Variants in NCKAP5L observed in about 807,000 individuals in gnomAD.
NCKAP5L encodes NCK associated protein 5 like.
A neutral mutation model predicts 103.2 loss-of-function variants in NCKAP5L; 54 were observed. That is an observed-to-expected ratio of 0.52 (90% CI 0.42 to 0.66). NCKAP5L has a LOEUF of 0.66. Ranked by LOEUF, NCKAP5L falls within the 30% of genes least tolerant of loss-of-function variation. The pLI is 0.00. For synonymous variants in NCKAP5L, 762 were observed against 748.6 expected, an observed-to-expected ratio of 1.02 and a Z score of -0.29; for missense variants, 1,733 against 1,750.6, an observed-to-expected ratio of 0.99 and a Z score of 0.18.
chr12:49,820,455 T>G (rs1365481508), intron 1 of NCKAP5L, among the ~76,000 whole-genome samples: 2 of 152,054 alleles, frequency 1.3e-5, no homozygotes, highest in Non-Finnish European at 2.9e-5. Flanking sequence ...TAGCTGGGAC[T>G]ACAGGCGCGT....
intron 1 of NCKAP5L, among the ~76,000 whole-genome samples, chr12:49,819,860 G>A (rs1946341664): frequency 6.6e-6 from 1 of 152,208 alleles, no homozygotes; most frequent in Admixed American, 6.5e-5. Flanking sequence ...GGTAAAGACA[G>A]GTGGGGTTTA....
chr12:49,803,281 A>T, intron 3 of NCKAP5L, 116 bp from the exon 4 acceptor site: 1 of 931,912 alleles, frequency 1.1e-6, no homozygotes, highest in South Asian at 1.6e-5. Flanking sequence ...CTATACCCCC[A>T]CTCCAGCTCT....
chr12:49,796,565 C>A lies in NCKAP5L; in HGVS notation c.1295G>T (p.Ser432Ile). ...GHPHSSSQVK[S>I]KLQIGPPSPG... Reference sequence around the variant, plus strand: ...AGAAGGGGGGCCAATTTGGAGCTTGCTTTTCACCTGAGATGAGGAATGGGG... The same window carrying A: ...AGAAGGGGGGCCAATTTGGAGCTTGATTTTCACCTGAGATGAGGAATGGGG... The change falls in exon 8 of 13, where the codon AGC becomes ATC. Residue 432 changes from serine to isoleucine, a missense_variant. Coordinates refer to ENST00000335999, the MANE Select transcript of NCKAP5L (RefSeq NM_001037806.4). 1 of 1,601,206 alleles carries A rather than the reference C, an allele frequency of 6.2e-7. No homozygotes were observed. The highest frequency in any genetic ancestry group is 8.5e-7 in the Non-Finnish European group (1 of 1,174,484).
At chr12:49,800,059 G>A (rs1162834228) in intron 6 of NCKAP5L, among the ~76,000 whole-genome samples, 1 of 152,214 alleles carries the variant, frequency 6.6e-6, no homozygotes, top group African/African-American at 2.4e-5. Flanking sequence ...GCTGGACATG[G>A]TGGCGCATGC....
chr12:49,823,618 G>T (rs903970110), intron 1 of NCKAP5L, among the ~76,000 whole-genome samples: 2 of 151,312 alleles, frequency 1.3e-5, no homozygotes, highest in African/African-American at 4.9e-5. Flanking sequence ...GCAGAATGGG[G>T]TCTTCTCTCC....
At chr12:49,821,985 T>G (rs959080363) in intron 1 of NCKAP5L, among the ~76,000 whole-genome samples, 6 of 152,170 alleles carry the variant, frequency 3.9e-5, no homozygotes, top group Admixed American at 1.3e-4. Context: ...AATCCACATG[T>G]TGAAATCCTA....
At chr12:49,825,388 G>C (rs1946405364) in intron 1 of NCKAP5L, among the ~76,000 whole-genome samples, 1 of 152,178 alleles carries the variant, frequency 6.6e-6, no homozygotes, top group African/African-American at 2.4e-5. Context: ...GAGAAGCAGG[G>C]GCTAGAAAGG....
intron 2 of NCKAP5L, 57 bp from the exon 3 acceptor site, chr12:49,804,137 A>C (rs1946153956): frequency 6.5e-7 from 1 of 1,535,598 alleles, no homozygotes; most frequent in Non-Finnish European, 8.8e-7. Context: ...GAAACCCTTT[A>C]GTCTCCTTGG....
rs1333923684 is a variant in NCKAP5L, at chr12:49,797,010, G to T, written c.850C>A (p.Gln284Lys). 2 of 1,583,270 alleles carry T rather than the reference G, an allele frequency of 1.3e-6. No individual in the cohort carries two copies. Residue 284 changes from glutamine (Q) to lysine (K), a missense_variant, in exon 8 of 13, where the codon CAG (glutamine) becomes AAG (lysine). Gln to Lys is a moderately conservative substitution (Grantham distance 53). Transcript: ENST00000335999. This position sits in a 1 kb window ranked among gnomAD's most constrained non-coding sequence, Gnocchi z 4.5. ...CAGTTTGGGCCAGAGCTGGTGCCCT[G>T]GGCCTGAGGAGGTCCCCTGCTAGGA... Reference protein sequence around the residue: ...WGPSRGPPQAQGTSSGPNCAP... With the variant: ...WGPSRGPPQAKGTSSGPNCAP...
chr12:49,791,974 A>G lies in NCKAP5L; in HGVS notation c.3870T>C (p.Gly1290=), dbSNP rs773601786. ...TGTCCGAAGTGCTGGGGGTGCGGCT[A>G]CCCCCGAAAGGTGGGCCCTGGGGCG... is the stretch of plus-strand genomic sequence containing the variant. ...SPTPQGPPFG[G]SRTPSTSDMA... Residue 1290 remains glycine, a synonymous_variant, in exon 13 of 13, where the codon GGT becomes GGC. Transcript: ENST00000335999. 3.1e-6 allele frequency: 5 copies of G among 1,609,074 alleles called. No homozygotes were observed. Among genetic ancestry groups the G allele is most frequent in the Non-Finnish European group, 4.2e-6 (5 of 1,178,012 alleles).
chr12:49,800,239 A>G (rs146006277), intron 6 of NCKAP5L, among the ~76,000 whole-genome samples: 1 of 152,286 alleles, frequency 6.6e-6, no homozygotes, highest in East Asian at 1.9e-4. Context: ...TTCCACTGTC[A>G]TTTCCATCCT....
intron 8 of NCKAP5L, 135 bp from the exon 9 acceptor site, chr12:49,794,031 G>A (rs1467228410): frequency 1.2e-6 from 1 of 821,772 alleles, no homozygotes; most frequent in East Asian, 3.0e-5. Context: ...CATGTCGCTA[G>A]TGATTGCTCC....
Position 49,797,490 on chromosome 12 carries a change from G to T in NCKAP5L, c.466-96C>A. 1.1e-6 allele frequency: 1 copy of T among 898,562 alleles called. No individual in the cohort carries two copies. Among genetic ancestry groups the T allele is most frequent in the Non-Finnish European group, 1.7e-6 (1 of 597,282 alleles). 55.7% of individuals were successfully genotyped at this position (898,562 alleles called of 1,614,324 possible). A position where few individuals can be genotyped will look rare whatever the true frequency, so the allele number is the denominator to read the frequency against. On this transcript the variant is annotated intron_variant, in intron 7 of 12. Transcript: ENST00000335999. The surrounding 1 kb of genome is among the most constrained non-coding windows in gnomAD (Gnocchi z 4.5). ...GGGCTGGCTTAACAGGGAATGCCAG[G>T]AACAGAGCTGGCCTGGTTGTGTCTG...
At chr12:49,809,433 G>T (rs899868368) in intron 1 of NCKAP5L, among the ~76,000 whole-genome samples, 3 of 152,262 alleles carry the variant, frequency 2.0e-5, no homozygotes, top group Admixed American at 2.0e-4. Context: ...TCATTCACCA[G>T]CTGTTCCCCC....
At chr12:49,814,035 ACTC>A (rs1487855698) in intron 1 of NCKAP5L, among the ~76,000 whole-genome samples, 1 of 149,704 alleles carries the variant, frequency 6.7e-6, no homozygotes, top group African/African-American at 2.5e-5. Context: ...CTGATCTTGA[ACTC>A]CTCCTAGTAA....
At chr12:49,821,461 TGG>T (rs200948316) in intron 1 of NCKAP5L, among the ~76,000 whole-genome samples, 3,360 of 151,774 alleles carry the variant, frequency 0.022, 47 homozygotes, top group Non-Finnish European at 0.036. Context: ...ACTGCGGGAG[TGG>T]GGAGAAGAGA....
intron 1 of NCKAP5L, among the ~76,000 whole-genome samples, chr12:49,818,765 A>G (rs1946328683): frequency 6.6e-6 from 1 of 152,224 alleles, no homozygotes; most frequent in Admixed American, 6.5e-5. Flanking sequence ...ATGAGATATT[A>G]CCTCATACAT....
intron 1 of NCKAP5L, among the ~76,000 whole-genome samples, chr12:49,811,433 C>G (rs912769919): frequency 6.6e-6 from 1 of 152,064 alleles, no homozygotes; most frequent in Non-Finnish European, 1.5e-5. Flanking sequence ...CTGCCGCCAC[C>G]CTCCCATCCC....
At chr12:49,811,076 T>C (rs1424436778) in intron 1 of NCKAP5L, among the ~76,000 whole-genome samples, 9 of 152,234 alleles carry the variant, frequency 5.9e-5, no homozygotes, top group Admixed American at 3.9e-4. Flanking sequence ...GAATTTTACA[T>C]TTAATTTTAG....
Sources: allele counts gnomAD v4.1 joint callset (sites outside exome capture counted in the v4.1 genomes callset), GRCh38; gene constraint gnomAD v4.1.1; non-coding constraint Gnocchi (gnomAD v3.1); transcripts MANE v1.5; gene names NCBI Gene and HGNC (gene_info 2026-07-23, HGNC 2026-07-21).